Variants in RBFOX3 observed in about 807,000 individuals in gnomAD.
RBFOX3 encodes the protein RNA binding fox-1 homolog 3, also known as RNA binding protein fox-1 homolog 3.
RBFOX3 carries 17 observed loss-of-function variants against 48.7 expected under a neutral mutation model. The observed-to-expected ratio is 0.35, with a 90% CI of 0.24 to 0.52. RBFOX3 has a LOEUF of 0.52. Ranked by LOEUF, RBFOX3 falls within the 20% of genes least tolerant of loss-of-function variation. The probability of loss-of-function intolerance (pLI) is 0.94; values close to 1 mark genes in which losing one functional copy is unlikely to be tolerated. For synonymous variants in RBFOX3, 212 were observed against 209.5 expected, an observed-to-expected ratio of 1.01 and a Z score of -0.10; for missense variants, 382 against 497.5, an observed-to-expected ratio of 0.77 and a Z score of 2.21.
intron 4 of RBFOX3, among the ~76,000 whole-genome samples, chr17:79,206,791 A>G (rs1356739248): frequency 2.6e-5 from 4 of 152,086 alleles, no homozygotes; most frequent in African/African-American, 9.7e-5. Context: ...TCCCTCTTCT[A>G]TCCCTCAGGT....
At position 79,115,690 on chromosome 17, in the gene RBFOX3, T is replaced by C; in HGVS notation, c.26A>G (p.Gln9Arg). MAQPYPPA[Q>R]YPPPPQNGIP... ...GCCGTTCTGTGGCGGAGGGGGGTAC[T>C]GGGCGGGGGGGTAGGGCTGGGCCAT... The change falls in exon 5 of 15, where the codon CAG (glutamine) becomes CGG (arginine). Residue 9 changes from glutamine (Q) to arginine (R), a missense_variant. Around this residue, in one of 3 missense-constraint regions of RBFOX3, gnomAD observed 118 missense variants for 132.1 expected, o/e 0.89. Coordinates refer to ENST00000693108, the MANE Select transcript of RBFOX3 (RefSeq NM_001350451.2). The C allele has an allele frequency of 7.6e-6, 1 of 131,268 alleles. No individual in the cohort carries two copies. The highest frequency in any genetic ancestry group is 1.3e-5 in the Non-Finnish European group (1 of 76,912). 8.1% of individuals were successfully genotyped at this position (131,268 alleles called of 1,614,324 possible).
At chr17:79,393,205 TG>T (rs923989294) in intron 2 of RBFOX3, among the ~76,000 whole-genome samples, 1 of 152,228 alleles carries the variant, frequency 6.6e-6, no homozygotes, top group Non-Finnish European at 1.5e-5. Flanking sequence ...GAGACGGATT[TG>T]GGGTTTCACA....
At chr17:79,182,898 C>T (rs2052427270) in intron 4 of RBFOX3, among the ~76,000 whole-genome samples, 1 of 151,076 alleles carries the variant, frequency 6.6e-6, no homozygotes, top group Admixed American at 6.6e-5. Context: ...CGCCCCGAGT[C>T]CCCAGCGGCC....
chr17:79,541,553 A>G (rs1298390624), intron 1 of RBFOX3, among the ~76,000 whole-genome samples: 3 of 152,196 alleles, frequency 2.0e-5, no homozygotes, highest in Non-Finnish European at 4.4e-5. Context: ...CCAGGGACCT[A>G]AAGCCAAGAA....
intron 2 of RBFOX3, among the ~76,000 whole-genome samples, chr17:79,371,006 G>GA (rs2058463564): frequency 1.3e-5 from 2 of 152,034 alleles, no homozygotes; most frequent in Non-Finnish European, 2.9e-5. Flanking sequence ...CCGGTAGGGG[G>GA]TTAGGGAGGG....
intron 3 of RBFOX3, among the ~76,000 whole-genome samples, chr17:79,237,902 C>T (rs1030867154): frequency 2.6e-5 from 4 of 151,350 alleles, no homozygotes; most frequent in South Asian, 4.2e-4. Context: ...GTCATCTGAG[C>T]GGCTTGCATC....
intron 2 of RBFOX3, among the ~76,000 whole-genome samples, chr17:79,343,073 G>T (rs1474809245): frequency 6.6e-6 from 1 of 152,024 alleles, no homozygotes; most frequent in Non-Finnish European, 1.5e-5. Context: ...GAAATCAAAA[G>T]GATTAAGAAA....
At chr17:79,541,973 G>A (rs546300244) in intron 1 of RBFOX3, among the ~76,000 whole-genome samples, 7 of 151,838 alleles carry the variant, frequency 4.6e-5, no homozygotes, top group African/African-American at 1.7e-4. Context: ...GCCTTCCCTC[G>A]AGTGTTTCTT....
Position 79,443,063 on chromosome 17 carries a change from AG to A in RBFOX3, c.-175+39390del, listed in dbSNP as rs1440164521. Among the ~76,000 whole-genome samples the A allele has an allele frequency of 6.6e-6, 1 of 152,234 alleles. No individual in the cohort carries two copies. Among genetic ancestry groups the A allele is most frequent in the Non-Finnish European group, 1.5e-5 (1 of 68,038 alleles). On this transcript the variant is annotated intron_variant, in intron 2 of 14. Coordinates refer to ENST00000693108, the MANE Select transcript of RBFOX3 (RefSeq NM_001350451.2). This position sits in a 1 kb window ranked among gnomAD's most constrained non-coding sequence, Gnocchi z 4.4. Reference sequence around the variant, plus strand: ...TCCACCTGTGCCATGAGGTCCTCACAGGCCAAAGGTGCACATGGACGAGACA... The same window carrying A: ...TCCACCTGTGCCATGAGGTCCTCACAGCCAAAGGTGCACATGGACGAGACA...
intron 6 of RBFOX3, among the ~76,000 whole-genome samples, chr17:79,105,391 A>G (rs2077180808): frequency 6.6e-6 from 1 of 152,172 alleles, no homozygotes; most frequent in African/African-American, 2.4e-5. Flanking sequence ...GAGTGTATGT[A>G]AACAGGTCCC....
intron 3 of RBFOX3, among the ~76,000 whole-genome samples, chr17:79,271,371 C>G (rs1458160455): frequency 6.6e-6 from 1 of 152,178 alleles, no homozygotes; most frequent in South Asian, 2.1e-4. Context: ...CCACCGTGCC[C>G]GGCCTAAAAA....
At chr17:79,656,778 G>A in the RBFOX3 span, among the ~76,000 whole-genome samples, 7,151 of 21,020 alleles carry the variant, frequency 0.34, 449 homozygotes, top group Non-Finnish European at 0.41. Context: ...AGGAAGGAAG[G>A]AAAGAAAGAA....
chr17:79,132,344 C>T (rs1055182797), intron 4 of RBFOX3, among the ~76,000 whole-genome samples: 8 of 152,288 alleles, frequency 5.3e-5, no homozygotes, highest in Admixed American at 3.9e-4. Flanking sequence ...AGCTGAGCGA[C>T]GCGGGCCAAT....
At chr17:79,486,454 GCCT>G (rs1349192720) in intron 1 of RBFOX3, among the ~76,000 whole-genome samples, 1 of 152,176 alleles carries the variant, frequency 6.6e-6, no homozygotes, top group Admixed American at 6.5e-5. Context: ...AGCCCCTGCA[GCCT>G]CCTCAACTCC....
intron 1 of RBFOX3, among the ~76,000 whole-genome samples, chr17:79,503,067 A>G (rs2082592229): frequency 6.6e-6 from 1 of 152,176 alleles, no homozygotes; most frequent in Non-Finnish European, 1.5e-5. Flanking sequence ...CCGTGCTTAC[A>G]GACAGATGCC....
intron 4 of RBFOX3, among the ~76,000 whole-genome samples, chr17:79,138,898 A>C (rs1282093937): frequency 5.3e-5 from 3 of 56,086 alleles, no homozygotes; most frequent in East Asian, 6.6e-4. Context: ...ACAGCAATGC[A>C]TTCACACCCT....
chr17:79,235,146 C>T (rs1427710516), intron 4 of RBFOX3: 1 of 152,240 alleles, frequency 6.6e-6, no homozygotes, highest in African/African-American at 2.4e-5. Context: ...CCAAAGTAAA[C>T]TCTGCAAGTG....
At chr17:79,348,508 T>C (rs1173472997) in intron 2 of RBFOX3, among the ~76,000 whole-genome samples, 2 of 151,870 alleles carry the variant, frequency 1.3e-5, no homozygotes, top group Non-Finnish European at 2.9e-5. Context: ...GGGGTGAGTT[T>C]GGAGCAAGGA....
intron 3 of RBFOX3, among the ~76,000 whole-genome samples, chr17:79,296,937 CCCT>C (rs1344627761): frequency 1.5e-5 from 2 of 135,958 alleles, no homozygotes; most frequent in African/African-American, 5.5e-5. Flanking sequence ...CTCCCCCTCT[CCCT>C]CCTCCTCCTC....
Sources: gnomAD v4.1 joint callset for allele counts (sites outside exome capture counted in the v4.1 genomes callset) on GRCh38, gnomAD v4.1.1 for gene constraint, gnomAD v4.1.1 regional missense constraint, Gnocchi (gnomAD v3.1) non-coding constraint, MANE v1.5 for transcripts, NCBI Gene and HGNC (gene_info 2026-07-23, HGNC 2026-07-21) for gene names.